DENND1B: variants seen among roughly 807,000 people sequenced by gnomAD.
DENND1B encodes the protein DENN domain containing 1B.
Under a neutral mutation model 90.1 loss-of-function variants are expected in DENND1B, and 59 were observed. The ratio of observed to expected loss-of-function variants is 0.65; its 90% CI spans 0.53 to 0.81. DENND1B has a LOEUF of 0.81. Ranked by LOEUF, DENND1B falls within the 40% of genes least tolerant of loss-of-function variation. The pLI is 0.00. For missense variants in DENND1B, 862 were observed against 912.6 expected, an observed-to-expected ratio of 0.94 and a Z score of 0.71; for synonymous variants, 337 against 324.6, an observed-to-expected ratio of 1.04 and a Z score of -0.41.
intron 12 of DENND1B, among the ~76,000 whole-genome samples, chr1:197,608,887 T>C (rs760367737): frequency 6.6e-6 from 1 of 150,560 alleles, no homozygotes; most frequent in Middle Eastern, 3.2e-3. Context: ...TAGAAAAATA[T>C]ATTCATTTCA....
At chr1:197,539,366 A>G (rs1670155089) in intron 20 of DENND1B, among the ~76,000 whole-genome samples, 1 of 152,200 alleles carries the variant, frequency 6.6e-6, no homozygotes. Context: ...CACTTAAGAT[A>G]CAATTTTGTA....
At chr1:197,655,680 C>G (rs895907212) in intron 6 of DENND1B, among the ~76,000 whole-genome samples, 1 of 152,008 alleles carries the variant, frequency 6.6e-6, no homozygotes, top group South Asian at 2.1e-4. Context: ...TACAGGCGCC[C>G]GCCACCACAC....
intron 2 of DENND1B, among the ~76,000 whole-genome samples, chr1:197,768,280 A>T (rs181087131): frequency 6.6e-5 from 10 of 150,512 alleles, no homozygotes; most frequent in African/African-American, 2.5e-4. Flanking sequence ...TCCTCCTACT[A>T]CTACTGCTAC....
chr1:197,594,539 A>G (rs1016050752), intron 14 of DENND1B, among the ~76,000 whole-genome samples: 1 of 152,180 alleles, frequency 6.6e-6, no homozygotes, highest in Non-Finnish European at 1.5e-5. Flanking sequence ...TGAAGGAAGA[A>G]TAGTGTAATA....
chr1:197,682,068 G>T (rs1656747959), intron 3 of DENND1B, among the ~76,000 whole-genome samples: 2 of 151,574 alleles, frequency 1.3e-5, no homozygotes, highest in Non-Finnish European at 2.9e-5. Flanking sequence ...AAACCAGATA[G>T]GACTCTTGTG....
At chr1:197,745,150 T>C (rs974122208) in intron 2 of DENND1B, among the ~76,000 whole-genome samples, 1 of 152,186 alleles carries the variant, frequency 6.6e-6, no homozygotes, top group East Asian at 1.9e-4. Flanking sequence ...AATAAGGGTG[T>C]TTTGCTTCCT....
intron 16 of DENND1B, among the ~76,000 whole-genome samples, chr1:197,549,808 T>A (rs913281803): frequency 6.6e-6 from 1 of 152,142 alleles, no homozygotes; most frequent in Non-Finnish European, 1.5e-5. Context: ...TGACGTGGAT[T>A]TCCTTAATAG....
chr1:197,645,352 C>G (rs1344938750), intron 9 of DENND1B, among the ~76,000 whole-genome samples: 2 of 151,976 alleles, frequency 1.3e-5, no homozygotes, highest in African/African-American at 4.8e-5. Context: ...AAGCCATCTC[C>G]TGAGGTATCT....
At chr1:197,740,550 G>T (rs907371599) in intron 2 of DENND1B, among the ~76,000 whole-genome samples, 3 of 152,112 alleles carry the variant, frequency 2.0e-5, no homozygotes, top group Non-Finnish European at 4.4e-5. Context: ...AATATATTTT[G>T]AAAACTATCA....
chr1:197,777,534 C>T (rs1444450001), upstream of DENND1B, among the ~76,000 whole-genome samples: 1 of 152,108 alleles, frequency 6.6e-6, no homozygotes, highest in Non-Finnish European at 1.5e-5. Context: ...AAATATCATA[C>T]ACTTACCTTG....
chr1:197,669,013 C>T (rs562450820), intron 5 of DENND1B, among the ~76,000 whole-genome samples: 2 of 151,958 alleles, frequency 1.3e-5, no homozygotes, highest in Non-Finnish European at 2.9e-5. Flanking sequence ...TTTACATTTC[C>T]TCTGTAAGTT....
chr1:197,697,549 T>G (rs1658563830), intron 3 of DENND1B, among the ~76,000 whole-genome samples: 1 of 151,670 alleles, frequency 6.6e-6, no homozygotes, highest in Non-Finnish European at 1.5e-5. Context: ...AAAGATCACC[T>G]TCTATGTACT....
intron 3 of DENND1B, among the ~76,000 whole-genome samples, chr1:197,707,012 G>A (rs1659603202): frequency 6.6e-6 from 1 of 152,000 alleles, no homozygotes; most frequent in African/African-American, 2.4e-5. Context: ...ATCAACCTAA[G>A]TGTCCATAAA....
chr1:197,745,624 A>T (rs934498305), intron 2 of DENND1B, among the ~76,000 whole-genome samples: 6 of 146,462 alleles, frequency 4.1e-5, no homozygotes, highest in Admixed American at 6.9e-5. Flanking sequence ...TATTATATAT[A>T]TATATATATA....
At position 197,672,069 on chromosome 1, in the gene DENND1B, C is replaced by T. The variant is rs183583048; in HGVS notation, c.264G>A (p.Thr88=). ...TGCATAAACAAATTGTGCCTCCTGA[C>T]GTCAGTCTGCAGAATCCAAATCTCT... ...SKQRFGFCRL[T]SGGTICLCIL... Residue 88 remains threonine, a synonymous_variant, in exon 5 of 23, where the codon ACG becomes ACA. Transcript: ENST00000620048. 1.2e-3 allele frequency: 1,906 copies of T among 1,612,654 alleles called. 8 individuals are homozygous for T. Among genetic ancestry groups the T allele is most frequent in the Middle Eastern group, 0.011 (64 of 6,056 alleles).
chr1:197,697,721 G>A (rs1240247683), intron 3 of DENND1B, among the ~76,000 whole-genome samples: 2 of 151,822 alleles, frequency 1.3e-5, no homozygotes, highest in Non-Finnish European at 2.9e-5. Flanking sequence ...AGGGATGGAG[G>A]AAAATTTACC....
intron 12 of DENND1B, among the ~76,000 whole-genome samples, chr1:197,610,835 T>C (rs1677118252): frequency 6.6e-6 from 1 of 150,970 alleles, no homozygotes; most frequent in Non-Finnish European, 1.5e-5. Flanking sequence ...GACTTCAATA[T>C]TACAAACAAA....
chr1:197,701,449 AG>A (rs1410635337), intron 3 of DENND1B, among the ~76,000 whole-genome samples: 2 of 151,972 alleles, frequency 1.3e-5, no homozygotes, highest in African/African-American at 4.8e-5. Context: ...GGTGAGGGGA[AG>A]GAACTTAGCG....
intron 10 of DENND1B, among the ~76,000 whole-genome samples, chr1:197,623,356 C>G (rs1278870176): frequency 6.6e-6 from 1 of 150,930 alleles, no homozygotes; most frequent in Non-Finnish European, 1.5e-5. Context: ...TAGTGGAAAC[C>G]ATAAAGAAAA....
Sources: allele counts gnomAD v4.1 joint callset (sites outside exome capture counted in the v4.1 genomes callset), GRCh38; gene constraint gnomAD v4.1.1; transcripts MANE v1.5; gene names NCBI Gene and HGNC (gene_info 2026-07-23, HGNC 2026-07-21).